Variants in KLRG1 observed in about 807,000 individuals in gnomAD.
The protein encoded by KLRG1 is killer cell lectin-like receptor subfamily G member 1.
A neutral mutation model predicts 21.8 loss-of-function variants in KLRG1; 16 were observed. That is an observed-to-expected ratio of 0.73 (90% CI 0.50 to 1.11). The LOEUF (loss-of-function observed/expected upper bound fraction) is 1.11. KLRG1 is among the 50% of genes most tolerant of loss of function. The pLI is 0.00. For missense variants in KLRG1, 173 were observed against 218.3 expected (o/e 0.79, Z 1.31); for synonymous variants, 69 against 75.9 (o/e 0.91, Z 0.47).
chr12:9,186,481 C>A, the KLRG1 span, among the ~76,000 whole-genome samples: 1 of 152,148 alleles, frequency 6.6e-6, no homozygotes, highest in Non-Finnish European at 1.5e-5. Flanking sequence ...AGAAGCAAGA[C>A]TCAGTGGTAT....
At chr12:9,164,157 A>G in the KLRG1 span, 166 of 1,611,566 alleles carry the variant, frequency 1.0e-4, no homozygotes, top group South Asian at 1.8e-4. Context: ...GTCACTGTCC[A>G]AGACAAGGTT....
chr12:9,132,611 G>A, the KLRG1 span, among the ~76,000 whole-genome samples: 1 of 152,116 alleles, frequency 6.6e-6, no homozygotes, highest in Admixed American at 6.6e-5. Context: ...CCATTCAGGG[G>A]GCTAATTCAG....
At chr12:9,050,679 A>G in the KLRG1 span, among the ~76,000 whole-genome samples, 7 of 152,234 alleles carry the variant, frequency 4.6e-5, 1 homozygote, top group South Asian at 1.0e-3. Flanking sequence ...CAGCTGCCCA[A>G]TCCTCAGCTG....
At chr12:8,982,209 C>T (rs914146910) in intron 1 of KLRG1, among the ~76,000 whole-genome samples, 2 of 152,084 alleles carry the variant, frequency 1.3e-5, no homozygotes, top group African/African-American at 4.8e-5. Context: ...TATGAGAGTC[C>T]TTATAAGAGG....
At chr12:9,015,214 G>A (rs755022058), downstream of KLRG1, among the ~76,000 whole-genome samples, 3 of 152,078 alleles carry the variant, frequency 2.0e-5, no homozygotes, top group South Asian at 6.2e-4. Context: ...AAGACAGAGT[G>A]GCTGAATGGA....
At chr12:9,095,974 T>A in the KLRG1 span, among the ~76,000 whole-genome samples, 2 of 151,390 alleles carry the variant, frequency 1.3e-5, no homozygotes, top group African/African-American at 4.9e-5. Context: ...TTAGCCAGGA[T>A]GGTCTCGATC....
chr12:9,074,572 G>GA, the KLRG1 span: 1 of 1,610,792 alleles, frequency 6.2e-7, no homozygotes, highest in Non-Finnish European at 8.5e-7. Context: ...GGGTGGAGGA[G>GA]AAACCGCCCT....
At chr12:9,066,316 G>A in the KLRG1 span, 6 of 152,434 alleles carry the variant, frequency 3.9e-5, no homozygotes, top group African/African-American at 1.4e-4. Flanking sequence ...TGGGGCCCTG[G>A]TTGGCGTCAC....
At chr12:9,193,518 A>G in the KLRG1 span, among the ~76,000 whole-genome samples, 1 of 152,176 alleles carries the variant, frequency 6.6e-6, no homozygotes, top group African/African-American at 2.4e-5. Flanking sequence ...AGTGTCTATC[A>G]CATAGAAAAC....
the KLRG1 span, chr12:9,157,966 TC>T: frequency 2.1e-5 from 18 of 837,754 alleles, no homozygotes; most frequent in East Asian, 5.5e-5. Flanking sequence ...CTTCTCTCTC[TC>T]TCTCTCGACA....
chr12:9,104,412 A>G, the KLRG1 span: 2 of 1,572,212 alleles, frequency 1.3e-6, no homozygotes, highest in Non-Finnish European at 1.7e-6. Context: ...TGAAGATTAA[A>G]AGCTGTGGAT....
chr12:8,962,332 T>C (rs1946395087), intron 1 of KLRG1, among the ~76,000 whole-genome samples: 1 of 152,210 alleles, frequency 6.6e-6, no homozygotes, highest in African/African-American at 2.4e-5. Flanking sequence ...ATAAGATGAA[T>C]ATATGATGGA....
chr12:9,035,028 TA>T, the KLRG1 span, among the ~76,000 whole-genome samples: 8 of 146,624 alleles, frequency 5.5e-5, no homozygotes, highest in African/African-American at 9.9e-5. Flanking sequence ...ATTTAAAAAG[TA>T]AAAAAAAAAT....
chr12:9,117,004 G>A, the KLRG1 span, among the ~76,000 whole-genome samples: 2 of 152,052 alleles, frequency 1.3e-5, no homozygotes, highest in Non-Finnish European at 2.9e-5. Flanking sequence ...CCCAGACCTG[G>A]AACCTTTTAA....
chr12:9,012,713 G>T (rs532904282), downstream of KLRG1, among the ~76,000 whole-genome samples: 5 of 152,058 alleles, frequency 3.3e-5, no homozygotes, highest in African/African-American at 1.2e-4. Flanking sequence ...AAGCACCTGG[G>T]GTCCTTGATT....
At chr12:9,160,784 G>A in the KLRG1 span, among the ~76,000 whole-genome samples, 8 of 151,984 alleles carry the variant, frequency 5.3e-5, no homozygotes, top group African/African-American at 1.9e-4. Context: ...GCGTGGTGGC[G>A]GGCGCCTGTA....
At chr12:8,960,861 C>T (rs996835299) in intron 1 of KLRG1, among the ~76,000 whole-genome samples, 3 of 152,150 alleles carry the variant, frequency 2.0e-5, no homozygotes, top group African/African-American at 7.2e-5. Flanking sequence ...TCCCTAAGGT[C>T]TCCTCTCATT....
At position 9,009,721 on chromosome 12, in the gene KLRG1, C is replaced by G; in HGVS notation, c.*184C>G. 1 of 1,420,986 alleles carries G rather than the reference C, an allele frequency of 7.0e-7. No homozygotes were observed. The highest frequency in any genetic ancestry group is 9.2e-7 in the Non-Finnish European group (1 of 1,092,486). The allele number at this position is 1,420,986 out of a possible 1,614,324, so 88.0% of individuals were successfully genotyped here. A position where few individuals can be genotyped will look rare whatever the true frequency, so the allele number is the denominator to read the frequency against. On this transcript the variant is annotated 3_prime_UTR_variant, in exon 5 of 5. Coordinates refer to ENST00000356986, the MANE Select transcript of KLRG1 (RefSeq NM_005810.4). The stretch of plus-strand genomic sequence containing the variant: ...CCTAACTGATGGATTCTCTTTGAGA[C>G]TATTTAGATATTATGTGAGCAATTT...
the KLRG1 span, chr12:9,067,686 G>C: frequency 1.3e-6 from 1 of 771,252 alleles, no homozygotes; most frequent in Non-Finnish European, 2.3e-6. Context: ...GATATTTATT[G>C]AATGAACAGG....
Sources: allele counts gnomAD v4.1 joint callset (sites outside exome capture counted in the v4.1 genomes callset), GRCh38; gene constraint gnomAD v4.1.1; transcripts MANE v1.5; gene names NCBI Gene and HGNC (gene_info 2026-07-23, HGNC 2026-07-21).